DNAH11: variants seen among roughly 807,000 people sequenced by gnomAD.
The protein encoded by DNAH11 is dynein axonemal heavy chain 11, also known as axonemal beta dynein heavy chain 11.
Under a neutral mutation model 526.0 loss-of-function variants are expected in DNAH11, and 442 were observed. The observed-to-expected ratio is 0.84, with a 90% CI of 0.78 to 0.91. The LOEUF (loss-of-function observed/expected upper bound fraction) is 0.91. Among genes scored for constraint, DNAH11 ranks in the 40% least tolerant of loss-of-function variants. The pLI is 0.00. For missense variants in DNAH11, 6,989 were observed against 5,448.7 expected (o/e 1.28, Z -8.90); for synonymous variants, 2,461 against 1,935.9 (o/e 1.27, Z -7.12).
intron 8 of DNAH11, among the ~76,000 whole-genome samples, chr7:21,578,201 G>A (rs1170863337): frequency 6.6e-6 from 1 of 152,160 alleles, no homozygotes; most frequent in East Asian, 1.9e-4. Flanking sequence ...ATGATCCCCT[G>A]TAAAATCAAA....
intron 81 of DNAH11, 90 bp from the exon 82 acceptor site, chr7:21,900,910 CAGAATGT>C: frequency 1.4e-6 from 2 of 1,473,140 alleles, no homozygotes; most frequent in Non-Finnish European, 1.8e-6. Context: ...ATGACAAAAC[CAGAATGT>C]TGAATGTTTA....
At chr7:21,779,754 A>G (rs924181903) in intron 57 of DNAH11, among the ~76,000 whole-genome samples, 1 of 152,216 alleles carries the variant, frequency 6.6e-6, no homozygotes. Flanking sequence ...AGTTTTGTAC[A>G]TCTGATATCT....
chr7:21,871,694 G>A (rs1783499246), intron 73 of DNAH11, among the ~76,000 whole-genome samples: 1 of 152,112 alleles, frequency 6.6e-6, no homozygotes, highest in African/African-American at 2.4e-5. Context: ...GTAAAGGAGG[G>A]AACTTAGAGT....
At chr7:21,895,849 C>T (rs1784494737) in intron 79 of DNAH11, among the ~76,000 whole-genome samples, 3 of 152,202 alleles carry the variant, frequency 2.0e-5, no homozygotes, top group Non-Finnish European at 4.4e-5. Flanking sequence ...CCTGCCTCAG[C>T]CTCCCGAGTA....
intron 65 of DNAH11, among the ~76,000 whole-genome samples, chr7:21,826,524 C>T (rs990640755): frequency 6.6e-6 from 1 of 151,842 alleles, no homozygotes; most frequent in Non-Finnish European, 1.5e-5. Flanking sequence ...AATTAATCTA[C>T]ATGTTTGTAA....
Position 21,591,445 on chromosome 7 carries a change from C to A in DNAH11, c.2535C>A (p.Ala845=). Residue 845 remains alanine (A), a synonymous_variant, in exon 14 of 82, where the codon GCC becomes GCA. Transcript: ENST00000409508. ...TCCAGCAGACCATGAGGGGCTGGGC[C>A]AGGTGCGTGCTACCTCCCAGGAGAG... ...KVIQQTMRGW[A]RCVLPPRREH... 1 of 1,613,922 alleles carries A rather than the reference C, an allele frequency of 6.2e-7. No individual in the cohort carries two copies. The highest frequency in any genetic ancestry group is 1.3e-5 in the African/African-American group (1 of 75,026).
At chr7:21,566,568 A>G (rs1054146383) in intron 6 of DNAH11, among the ~76,000 whole-genome samples, 1 of 151,464 alleles carries the variant, frequency 6.6e-6, no homozygotes. Flanking sequence ...TAGCAACACT[A>G]TGACGTAGGT....
chr7:21,829,973 A>T, intron 65 of DNAH11, among the ~76,000 whole-genome samples: 1 of 152,238 alleles, frequency 6.6e-6, no homozygotes, highest in East Asian at 1.9e-4. Flanking sequence ...ATCTTCCAAC[A>T]GTAACGACTT....
At position 21,601,435 on chromosome 7, in the gene DNAH11, C is replaced by A. The variant is rs755144481; in HGVS notation, c.3465C>A (p.Ser1155=). 1.1e-5 allele frequency: 18 copies of A among 1,613,092 alleles called. No homozygotes were observed. The highest frequency in any genetic ancestry group is 1.5e-5 in the Non-Finnish European group (18 of 1,179,568). Residue 1155 remains serine (S), a synonymous_variant, in exon 18 of 82, where the codon TCC becomes TCA. Transcript: ENST00000409508. ...ELQEFIKETD[S]GLQRELNEGD... ...AAGAATTTATAAAGGAGACAGATTC[C>A]GGACTTCAGAGAGAATTAAATGAAG... is the stretch of plus-strand genomic sequence containing the variant.
At chr7:21,798,093 A>G (rs1562552478) in intron 61 of DNAH11, among the ~76,000 whole-genome samples, 1 of 152,184 alleles carries the variant, frequency 6.6e-6, no homozygotes, top group Non-Finnish European at 1.5e-5. Context: ...AGGAACTAGA[A>G]CCAAGACATT....
chr7:21,765,225 C>T (rs75851779), intron 54 of DNAH11, among the ~76,000 whole-genome samples: 1 of 151,830 alleles, frequency 6.6e-6, no homozygotes, highest in African/African-American at 2.4e-5. Context: ...AGCAGTGTTT[C>T]TGTGTCCAGT....
chr7:21,701,665 C>T (rs567063595), intron 36 of DNAH11, among the ~76,000 whole-genome samples: 16 of 152,190 alleles, frequency 1.1e-4, no homozygotes, highest in South Asian at 2.1e-4. Context: ...AAATGATGGT[C>T]GAGACCTACT....
At chr7:21,730,130 A>G (rs1195516087) in intron 45 of DNAH11, among the ~76,000 whole-genome samples, 1 of 152,222 alleles carries the variant, frequency 6.6e-6, no homozygotes, top group Non-Finnish European at 1.5e-5. Flanking sequence ...TTCTGGGTAT[A>G]TATCCTAAGG....
chr7:21,862,296 A>G (rs1257821050), intron 69 of DNAH11, among the ~76,000 whole-genome samples: 2 of 151,874 alleles, frequency 1.3e-5, no homozygotes, highest in African/African-American at 4.8e-5. Context: ...AAAAATATTC[A>G]TAAGACATTC....
At chr7:21,575,542 T>C (rs1312737661) in intron 8 of DNAH11, among the ~76,000 whole-genome samples, 1 of 152,254 alleles carries the variant, frequency 6.6e-6, no homozygotes, top group Non-Finnish European at 1.5e-5. Flanking sequence ...TCTTTATTAG[T>C]CATACACAGC....
intron 61 of DNAH11, among the ~76,000 whole-genome samples, chr7:21,793,645 G>A (rs369677407): frequency 1.3e-4 from 20 of 151,096 alleles, no homozygotes; most frequent in African/African-American, 4.1e-4. Flanking sequence ...TTTGTATTCT[G>A]CAGCTGTTAG....
chr7:21,734,595 A>G (rs1161154017), intron 45 of DNAH11, among the ~76,000 whole-genome samples: 1 of 152,204 alleles, frequency 6.6e-6, no homozygotes, highest in Non-Finnish European at 1.5e-5. Flanking sequence ...GGTGGCTCAC[A>G]CCTGTGATCC....
At chr7:21,854,211 A>T in intron 67 of DNAH11, 104 bp from the exon 68 acceptor site, 1 of 1,236,030 alleles carries the variant, frequency 8.1e-7, no homozygotes, top group Non-Finnish European at 1.1e-6. Context: ...TATCTATTTT[A>T]ATACTCATAA....
In DNAH11 at chr7:21,735,767, C is replaced by G. The variant is rs775851397; in HGVS notation, c.7568C>G (p.Thr2523Arg). ...GVGKTVFVGD[T>R]LASLSEDYIV... Reference sequence around the variant, plus strand: ...GGAAAAACAGTCTTTGTAGGTGACACATTGGCAAGTCTCTCTGAGGATTAC... The same window carrying G: ...GGAAAAACAGTCTTTGTAGGTGACAGATTGGCAAGTCTCTCTGAGGATTAC... The change falls in exon 46 of 82, where the codon ACA becomes AGA. Residue 2523 changes from threonine (T) to arginine (R), a missense_variant. Physicochemically the swap from Thr to Arg is moderately conservative, Grantham distance 71. Coordinates refer to ENST00000409508, the MANE Select transcript of DNAH11 (RefSeq NM_001277115.2). 6.2e-7 allele frequency: 1 copy of G among 1,613,834 alleles called. No individual in the cohort carries two copies. The highest frequency in any genetic ancestry group is 1.3e-5 in the African/African-American group (1 of 74,920).
Sources: allele counts gnomAD v4.1 joint callset (sites outside exome capture counted in the v4.1 genomes callset), GRCh38; gene constraint gnomAD v4.1.1; transcripts MANE v1.5; gene names NCBI Gene and HGNC (gene_info 2026-07-23, HGNC 2026-07-21).